The following DENND1B variants were observed in gnomAD, a reference collection of about 807,000 sequenced individuals.
DENND1B encodes the protein DENN domain containing 1B, also known as DENN domain-containing protein 1B.
In DENND1B, 59 loss-of-function variants were observed where a neutral mutation model predicts 90.1. The observed-to-expected ratio is 0.65, with a 90% confidence interval of 0.53 to 0.81. DENND1B has a LOEUF of 0.81. Ranked by LOEUF, DENND1B falls within the 40% of genes least tolerant of loss-of-function variation. DENND1B has a pLI of 0.00. For synonymous variants in DENND1B, 337 were observed against 324.6 expected (o/e 1.04, Z -0.41); for missense variants, 862 against 912.6 (o/e 0.94, Z 0.71).
At chr1:197,544,012 C>A (rs12034525) in intron 18 of DENND1B, among the ~76,000 whole-genome samples, 1 of 151,924 alleles carries the variant, frequency 6.6e-6, no homozygotes, top group East Asian at 1.9e-4. Context: ...TATAAAATAT[C>A]CGACCTATTG....
intron 2 of DENND1B, among the ~76,000 whole-genome samples, chr1:197,756,755 AACATTAGAT>A: frequency 6.6e-6 from 1 of 151,832 alleles, no homozygotes; most frequent in East Asian, 1.9e-4. Context: ...AAAACAGATG[AACATTAGAT>A]ACTTGTGTGT....
At chr1:197,617,609 A>G (rs1454003884) in intron 11 of DENND1B, 50 bp downstream of exon 11, 3 of 1,344,672 alleles carry the variant, frequency 2.2e-6, no homozygotes. Flanking sequence ...TAAACAGATA[A>G]TCTAATCATG....
chr1:197,741,329 T>C (rs1040081025), intron 2 of DENND1B, among the ~76,000 whole-genome samples: 1 of 152,194 alleles, frequency 6.6e-6, no homozygotes, highest in African/African-American at 2.4e-5. Flanking sequence ...AAGGATGTAT[T>C]ACCCAAAAAA....
At chr1:197,736,122 G>A (rs369731933) in intron 2 of DENND1B, 10 of 647,938 alleles carry the variant, frequency 1.5e-5, no homozygotes, top group African/African-American at 7.6e-5. Flanking sequence ...TGGCAGATTA[G>A]ATTTTTAAAT....
chr1:197,617,215 T>C lies in DENND1B; in HGVS notation c.773+444A>G, dbSNP rs569962944. Among the ~76,000 whole-genome samples the C allele has an allele frequency of 9.7e-4, 146 of 151,110 alleles. 1 individual carries two copies. The highest frequency in any genetic ancestry group is 1.8e-3 in the Non-Finnish European group (121 of 67,330). On this transcript the variant is annotated intron_variant, in intron 11 of 22. Transcript: ENST00000620048. ...GTACTTGGTATTTGGTGTGCTATTATTGAAAAAAGAGGGGTAAAGAAGTGT... is the reference window on the plus strand; with the variant it reads ...GTACTTGGTATTTGGTGTGCTATTACTGAAAAAAGAGGGGTAAAGAAGTGT...
chr1:197,612,108 TC>T (rs1166456796), intron 11 of DENND1B, 132 bp from the exon 12 acceptor site: 1 of 543,854 alleles, frequency 1.8e-6, no homozygotes, highest in Admixed American at 3.8e-5. Flanking sequence ...TTATAGATAT[TC>T]AAAATTATTC....
intron 6 of DENND1B, 123 bp downstream of exon 6, chr1:197,658,177 G>T (rs1654041707): frequency 1.3e-6 from 1 of 782,530 alleles, no homozygotes; most frequent in Non-Finnish European, 2.2e-6. Context: ...TGGTATTGAT[G>T]ATTGCAGATC....
At chr1:197,566,272 G>T (rs1672654905) in intron 15 of DENND1B, among the ~76,000 whole-genome samples, 1 of 151,990 alleles carries the variant, frequency 6.6e-6, no homozygotes. Flanking sequence ...GTGTTTTTTG[G>T]CTGCATAAAT....
intron 7 of DENND1B, among the ~76,000 whole-genome samples, chr1:197,650,893 A>T (rs1653079673): frequency 6.6e-6 from 1 of 152,204 alleles, no homozygotes; most frequent in Non-Finnish European, 1.5e-5. Context: ...GGTAAGGGAT[A>T]AAAGACTACG....
rs888214157 is a variant in DENND1B, at chr1:197,508,254, T to C, written c.*2206A>G. 1 of 151,722 alleles carries C rather than the reference T, an allele frequency of 6.6e-6. No homozygotes were observed. The highest frequency in any genetic ancestry group is 2.4e-5 in the African/African-American group (1 of 41,396). The allele number at this position is 151,722 out of a possible 1,614,324, so 9.4% of individuals were successfully genotyped here. ...GCTGATTTGCATTCTTTTCACAAAT[T>C]ATGAAGGAATATTTGCCAAGCAGAT... is the stretch of plus-strand genomic sequence containing the variant. On this transcript the variant is annotated 3_prime_UTR_variant, in exon 23 of 23. Transcript: ENST00000620048.
At chr1:197,558,640 A>C (rs924941976) in intron 15 of DENND1B, among the ~76,000 whole-genome samples, 4 of 151,854 alleles carry the variant, frequency 2.6e-5, no homozygotes, top group African/African-American at 7.2e-5. Flanking sequence ...TCAGGTTTGC[A>C]GGTTTCCTTT....
At chr1:197,562,919 C>T (rs533324719) in intron 15 of DENND1B, among the ~76,000 whole-genome samples, 17 of 151,992 alleles carry the variant, frequency 1.1e-4, no homozygotes, top group African/African-American at 4.1e-4. Context: ...TTTGAGTGGT[C>T]TAGATAGAAA....
chr1:197,739,886 A>G (rs972070061), intron 2 of DENND1B, among the ~76,000 whole-genome samples: 2 of 152,202 alleles, frequency 1.3e-5, no homozygotes, highest in African/African-American at 4.8e-5. Flanking sequence ...TGCTTCCACC[A>G]ATTTCTAAGA....
intron 3 of DENND1B, among the ~76,000 whole-genome samples, chr1:197,683,761 A>T (rs1375946569): frequency 6.6e-6 from 1 of 152,168 alleles, no homozygotes; most frequent in African/African-American, 2.4e-5. Flanking sequence ...TACAACGATG[A>T]AAACATATAT....
At chr1:197,747,161 T>C (rs1401070051) in intron 2 of DENND1B, 6 of 764,908 alleles carry the variant, frequency 7.8e-6, no homozygotes, top group Non-Finnish European at 9.3e-6. Flanking sequence ...TTTTTCCCTC[T>C]GAATCTTGAG....
At chr1:197,642,585 C>T (rs1162607748) in intron 10 of DENND1B, 126 bp downstream of exon 10, 1 of 566,230 alleles carries the variant, frequency 1.8e-6, no homozygotes, top group Non-Finnish European at 3.0e-6. Context: ...TAAAACCATA[C>T]ATCAAAAACG....
intron 3 of DENND1B, among the ~76,000 whole-genome samples, chr1:197,693,471 T>C (rs958095743): frequency 1.3e-5 from 2 of 151,708 alleles, no homozygotes; most frequent in South Asian, 4.1e-4. Context: ...AAAATATTTT[T>C]ATGAAATATC....
chr1:197,552,494 A>G lies in DENND1B; in HGVS notation c.1240+528T>C, dbSNP rs1001763018. 3.0e-6 allele frequency: 3 copies of G among 985,404 alleles called. No individual in the cohort carries two copies. The Admixed American group carries it at 1.8e-4, about 61-fold the overall frequency. The allele number at this position is 985,404 out of a possible 1,614,324, so 61.0% of individuals were successfully genotyped here. On this transcript the variant is annotated intron_variant, in intron 16 of 22. Coordinates refer to ENST00000620048, the MANE Select transcript of DENND1B (RefSeq NM_001195215.2). Reference sequence around the variant, plus strand: ...TACACTAGAAGGATTAATTGTACTTATGGAATGGTAAACTGGAAACTTTCT... The same window carrying G: ...TACACTAGAAGGATTAATTGTACTTGTGGAATGGTAAACTGGAAACTTTCT...
chr1:197,506,630 G>A lies in DENND1B; in HGVS notation c.*3830C>T, dbSNP rs532662912. ...TTCACAGTGTTCTCCTCTTGATCAG[G>A]AGTCTACTTGTTCACCTTAATTAAG... On this transcript the variant is annotated 3_prime_UTR_variant, in exon 23 of 23. Transcript: ENST00000620048. 1.3e-5 allele frequency: 2 copies of A among 151,550 alleles called. No individual in the cohort carries two copies. Among genetic ancestry groups the A allele is most frequent in the African/African-American group, 4.8e-5 (2 of 41,480 alleles). The allele number at this position is 151,550 out of a possible 1,614,324, so 9.4% of individuals were successfully genotyped here.
Sources: allele counts gnomAD v4.1 joint callset (sites outside exome capture counted in the v4.1 genomes callset), GRCh38; gene constraint gnomAD v4.1.1; transcripts MANE v1.5; gene names NCBI Gene and HGNC (gene_info 2026-07-23, HGNC 2026-07-21).